The following PDE4D variants were observed in gnomAD, a reference collection of about 807,000 sequenced individuals.
PDE4D encodes the protein phosphodiesterase 4D, also known as 3',5'-cyclic-AMP phosphodiesterase 4D.
PDE4D carries 24 observed loss-of-function variants against 87.4 expected under a neutral mutation model. That is an observed-to-expected ratio of 0.27 (90% confidence interval 0.20 to 0.39). The LOEUF (loss-of-function observed/expected upper bound fraction) is 0.39, where lower values mean the gene tolerates loss of function less well. Ranked by LOEUF, PDE4D falls within the 10% of genes least tolerant of loss-of-function variation. The pLI is 1.00. For synonymous variants in PDE4D, 384 were observed against 383.2 expected (o/e 1.00, Z -0.02); for missense variants, 714 against 1,041.0 (o/e 0.69, Z 4.32).
At chr5:59,465,396 A>G (rs532980854) in intron 1 of PDE4D, among the ~76,000 whole-genome samples, 2 of 152,310 alleles carry the variant, frequency 1.3e-5, no homozygotes, top group East Asian at 1.9e-4. Flanking sequence ...ATGTGCACAC[A>G]TGCATACTCT....
At chr5:58,986,474 G>A (rs1233389850) in intron 11 of PDE4D, among the ~76,000 whole-genome samples, 6 of 151,912 alleles carry the variant, frequency 3.9e-5, no homozygotes, top group African/African-American at 1.5e-4. Context: ...GGGCTGCACA[G>A]CAGGAGGTGA....
chr5:60,315,600 T>C (rs1386507649), intron 1 of PDE4D, among the ~76,000 whole-genome samples: 1 of 152,212 alleles, frequency 6.6e-6, no homozygotes, highest in East Asian at 1.9e-4. Context: ...GGTTTTCTTC[T>C]GGGGTTTTTA....
intron 1 of PDE4D, among the ~76,000 whole-genome samples, chr5:60,320,306 G>A (rs1413852435): frequency 6.6e-6 from 1 of 152,222 alleles, no homozygotes; most frequent in African/African-American, 2.4e-5. Context: ...ATCTCCTGGT[G>A]TGCCATTTGC....
chr5:60,184,370 G>T (rs1381090223), intron 2 of PDE4D, among the ~76,000 whole-genome samples: 1 of 151,936 alleles, frequency 6.6e-6, no homozygotes, highest in Non-Finnish European at 1.5e-5. Flanking sequence ...TTTGCAGTTT[G>T]GTAGTTTGTA....
At chr5:59,705,099 T>C (rs375015843) in intron 1 of PDE4D, among the ~76,000 whole-genome samples, 2 of 152,148 alleles carry the variant, frequency 1.3e-5, no homozygotes, top group East Asian at 1.9e-4. Context: ...ACTGGCTGTA[T>C]ATTGAACACA....
intron 2 of PDE4D, among the ~76,000 whole-genome samples, chr5:60,106,987 A>G (rs1260851045): frequency 1.3e-5 from 2 of 152,022 alleles, no homozygotes; most frequent in African/African-American, 2.4e-5. Flanking sequence ...AAGCTAGCAG[A>G]AGGCAAGAAA....
chr5:59,507,679 A>AGAAAAG (rs1554198805), intron 1 of PDE4D, among the ~76,000 whole-genome samples: 3 of 118,712 alleles, frequency 2.5e-5, no homozygotes, highest in African/African-American at 3.5e-5. Context: ...AAAAAAAAAA[A>AGAAAAG]AAAAGAAAAG....
At chr5:59,555,440 C>T (rs1818736764) in intron 1 of PDE4D, among the ~76,000 whole-genome samples, 1 of 151,890 alleles carries the variant, frequency 6.6e-6, no homozygotes, top group African/African-American at 2.4e-5. Flanking sequence ...CAACAAACCC[C>T]CATGACAGGA....
At chr5:59,585,908 T>C (rs1825038873) in intron 1 of PDE4D, among the ~76,000 whole-genome samples, 1 of 152,240 alleles carries the variant, frequency 6.6e-6, no homozygotes, top group Admixed American at 6.5e-5. Flanking sequence ...CATTCTAAGT[T>C]TCCCTTAACC....
rs763475411 is a variant in PDE4D, at chr5:59,768,230, G to T, written c.455+124938C>A. 72 of 1,596,206 alleles carry T rather than the reference G, an allele frequency of 4.5e-5. 1 individual carries two copies. Among genetic ancestry groups the T allele is most frequent in the Admixed American group, 2.3e-4 (14 of 59,886 alleles). On this transcript the variant is annotated intron_variant, in intron 1 of 14. Coordinates refer to ENST00000340635, the MANE Select transcript of PDE4D (RefSeq NM_001104631.2). ...GGGAAACGGCCACCATTTCTGCGAG[G>T]TCTGCGCAAACCTTACCATGTATGT...
chr5:60,266,577 A>G (rs34886118), intron 1 of PDE4D, among the ~76,000 whole-genome samples: 19,636 of 152,168 alleles, frequency 0.13, 1,422 homozygotes, highest in African/African-American at 0.19. Flanking sequence ...TAATCTGCAA[A>G]GGGCAGGAGA....
intron 5 of PDE4D, among the ~76,000 whole-genome samples, chr5:59,057,378 T>G (rs1034238081): frequency 2.0e-5 from 3 of 152,198 alleles, no homozygotes; most frequent in Non-Finnish European, 4.4e-5. Flanking sequence ...GTTTTCTAAT[T>G]TATAAAATGG....
intron 1 of PDE4D, among the ~76,000 whole-genome samples, chr5:60,442,124 T>C (rs938217843): frequency 5.9e-5 from 9 of 152,114 alleles, no homozygotes; most frequent in Admixed American, 4.6e-4. Context: ...CATGCTGCTA[T>C]AAAGACACAT....
chr5:59,329,339 G>T (rs1418368814), intron 1 of PDE4D, among the ~76,000 whole-genome samples: 11 of 152,100 alleles, frequency 7.2e-5, no homozygotes, highest in Admixed American at 7.2e-4. Context: ...TGTTTTCATG[G>T]AATCATTTGC....
At chr5:58,989,622 T>A (rs1480122862) in intron 10 of PDE4D, 133 bp downstream of exon 10, 3 of 570,172 alleles carry the variant, frequency 5.3e-6, no homozygotes, top group Non-Finnish European at 9.1e-6. Flanking sequence ...TATAGCATTT[T>A]CCCCCATAAG....
chr5:59,209,063 A>T (rs551833930), intron 2 of PDE4D, among the ~76,000 whole-genome samples: 1 of 152,352 alleles, frequency 6.6e-6, no homozygotes, highest in East Asian at 1.9e-4. Context: ...AACAGAATTA[A>T]GAAAAAGATA....
chr5:59,903,132 A>G (rs1306190706), intron 3 of PDE4D, among the ~76,000 whole-genome samples: 1 of 152,154 alleles, frequency 6.6e-6, no homozygotes, highest in East Asian at 1.9e-4. Context: ...TTGGATATGC[A>G]GAAACTTTTC....
intron 5 of PDE4D, among the ~76,000 whole-genome samples, chr5:59,179,482 C>T (rs1740967578): frequency 6.6e-6 from 1 of 152,148 alleles, no homozygotes; most frequent in South Asian, 2.1e-4. Context: ...TGGAAGTCAT[C>T]ACCAATAATA....
intron 1 of PDE4D, among the ~76,000 whole-genome samples, chr5:59,694,839 T>C (rs1377109626): frequency 6.6e-6 from 1 of 152,194 alleles, no homozygotes; most frequent in African/African-American, 2.4e-5. Flanking sequence ...TGATTATAAC[T>C]AGTAACACAC....
Sources: gnomAD v4.1 joint callset for allele counts (sites outside exome capture counted in the v4.1 genomes callset) on GRCh38, gnomAD v4.1.1 for gene constraint, MANE v1.5 for transcripts, NCBI Gene and HGNC (gene_info 2026-07-23, HGNC 2026-07-21) for gene names.